The following HOMER2 variants were observed in gnomAD, a reference collection of about 807,000 sequenced individuals.
HOMER2 encodes the protein homer scaffold protein 2.
A neutral mutation model predicts 47.0 loss-of-function variants in HOMER2; 27 were observed. The ratio of observed to expected loss-of-function variants is 0.57; its 90% CI spans 0.42 to 0.79. The LOEUF (loss-of-function observed/expected upper bound fraction) is 0.79. HOMER2 is among the 30% of genes least tolerant of loss of function. The pLI is 0.00. For synonymous variants in HOMER2, 161 were observed against 163.8 expected (o/e 0.98, Z 0.13); for missense variants, 443 against 435.0 (o/e 1.02, Z -0.16).
At chr15:82,847,829 G>A (rs959129047), downstream of HOMER2, among the ~76,000 whole-genome samples, 6 of 152,084 alleles carry the variant, frequency 3.9e-5, no homozygotes, top group Non-Finnish European at 5.9e-5. Flanking sequence ...CCCTTATCCC[G>A]CTGCTGGGCC....
chr15:82,929,530 C>A (rs1412859960), intron 1 of HOMER2, among the ~76,000 whole-genome samples: 1 of 151,530 alleles, frequency 6.6e-6, no homozygotes. Context: ...GTGGTACACA[C>A]CTGTAATCCC....
chr15:82,945,786 A>C (rs377329933), intron 1 of HOMER2, among the ~76,000 whole-genome samples: 233 of 152,152 alleles, frequency 1.5e-3, no homozygotes, highest in African/African-American at 4.7e-3. Flanking sequence ...CTGGCTAACA[A>C]GGTGAAATCC....
intron 1 of HOMER2, among the ~76,000 whole-genome samples, chr15:82,905,291 A>AAAC (rs397820399): frequency 1.3e-5 from 2 of 151,416 alleles, no homozygotes; most frequent in Non-Finnish European, 2.9e-5. Flanking sequence ...AAAAAAAAAA[A>AAAC]CCACCAAAAA....
At chr15:82,869,180 T>C (rs1174366074) in intron 3 of HOMER2, among the ~76,000 whole-genome samples, 1 of 152,154 alleles carries the variant, frequency 6.6e-6, no homozygotes, top group Non-Finnish European at 1.5e-5. Context: ...TGTTTTCTTC[T>C]ACCACCAACT....
intron 8 of HOMER2, 43 bp from the exon 9 acceptor site, chr15:82,849,946 G>A (rs144542599): frequency 5.5e-5 from 87 of 1,584,152 alleles, no homozygotes; most frequent in Middle Eastern, 1.7e-4. Context: ...ACTGAGTGAC[G>A]AGAGTCATCC....
At chr15:82,916,834 A>C (rs1194250921) in intron 1 of HOMER2, among the ~76,000 whole-genome samples, 4 of 146,734 alleles carry the variant, frequency 2.7e-5, no homozygotes, top group Non-Finnish European at 4.5e-5. Context: ...ACAGAGTCTC[A>C]CTCTGTTGCC....
At chr15:82,906,373 C>G (rs2053285625) in intron 1 of HOMER2, among the ~76,000 whole-genome samples, 2 of 150,978 alleles carry the variant, frequency 1.3e-5, no homozygotes, top group Admixed American at 1.3e-4. Flanking sequence ...GTTCTAAATA[C>G]ACAAAAGACA....
chr15:82,961,917 C>A (rs957899553), intron 1 of HOMER2, among the ~76,000 whole-genome samples: 1 of 152,074 alleles, frequency 6.6e-6, no homozygotes, highest in African/African-American at 2.4e-5. Context: ...GTGCCTGCCA[C>A]CAAACCTGGC....
intron 8 of HOMER2, among the ~76,000 whole-genome samples, 186 bp downstream of exon 8, chr15:82,850,965 A>G (rs2051371990): frequency 6.6e-6 from 1 of 152,242 alleles, no homozygotes; most frequent in Non-Finnish European, 1.5e-5. Context: ...AACGTTGCTG[A>G]GTCTGCCCCG....
intron 1 of HOMER2, among the ~76,000 whole-genome samples, chr15:82,976,329 G>A (rs924241062): frequency 3.1e-4 from 47 of 151,820 alleles, no homozygotes; most frequent in African/African-American, 9.9e-4. Flanking sequence ...GACGGAGTCC[G>A]CTCTGTCGCC....
intron 1 of HOMER2, among the ~76,000 whole-genome samples, chr15:82,927,266 T>C (rs1298990042): frequency 1.3e-5 from 2 of 152,174 alleles, no homozygotes; most frequent in Non-Finnish European, 2.9e-5. Flanking sequence ...ATTTAATGCA[T>C]GTCTCATTAA....
intron 1 of HOMER2, among the ~76,000 whole-genome samples, chr15:82,894,695 C>T (rs1433031560): frequency 6.6e-6 from 1 of 150,968 alleles, no homozygotes; most frequent in East Asian, 1.9e-4. Flanking sequence ...AAAATAGTCC[C>T]ATTGTTTATA....
chr15:82,877,517 C>G (rs1309786786), intron 2 of HOMER2, among the ~76,000 whole-genome samples: 1 of 152,136 alleles, frequency 6.6e-6, no homozygotes, highest in Admixed American at 6.5e-5. Flanking sequence ...CACATTAAAG[C>G]TGGCCAGTAG....
chr15:82,899,719 T>C (rs1270432446), intron 1 of HOMER2, among the ~76,000 whole-genome samples: 1 of 152,080 alleles, frequency 6.6e-6, no homozygotes, highest in Non-Finnish European at 1.5e-5. Flanking sequence ...AACAACCAGA[T>C]AGAAAATATA....
chr15:82,855,445 T>C (rs1337303424), intron 5 of HOMER2, among the ~76,000 whole-genome samples: 1 of 152,078 alleles, frequency 6.6e-6, no homozygotes, highest in Non-Finnish European at 1.5e-5. Flanking sequence ...GCCGCCCTGC[T>C]TCCTCCTGAA....
At chr15:82,919,557 G>C (rs2053676531) in intron 1 of HOMER2, among the ~76,000 whole-genome samples, 1 of 152,158 alleles carries the variant, frequency 6.6e-6, no homozygotes, top group Non-Finnish European at 1.5e-5. Flanking sequence ...AGATCAAACT[G>C]ACCTCAGGTT....
intron 3 of HOMER2, among the ~76,000 whole-genome samples, chr15:82,871,766 G>C (rs1041409988): frequency 7.9e-5 from 12 of 152,150 alleles, no homozygotes; most frequent in African/African-American, 2.9e-4. Context: ...GCCATCCCTG[G>C]AAGCCAGCAC....
At position 82,855,325 on chromosome 15, in the gene HOMER2, CAAAAAAAAAAAA is replaced by C. The variant is rs1162254209; in HGVS notation, c.495-537_495-526del. 4.8e-3 allele frequency among the ~76,000 whole-genome samples: 296 copies of C among 61,530 alleles called. 1 individual carries two copies. Among genetic ancestry groups the C allele is most frequent in the Non-Finnish European group, 5.2e-3 (194 of 37,464 alleles). The allele number at this position is 61,530 out of a possible 152,430, so 40.4% of individuals were successfully genotyped here. A position where few individuals can be genotyped will look rare whatever the true frequency, so the allele number is the denominator to read the frequency against. ...TGGCGACAGAGCGAGACTCCATCTC[CAAAAAAAAAAAA>C]AAAAAAAAAAAAGAAAACACAATTC... On this transcript the variant is annotated intron_variant, in intron 5 of 8. Transcript: ENST00000450735.
rs1453125865 is a variant in HOMER2 at position 82,952,550 on chromosome 15, C to T, written c.-15G>A. Reference sequence around the variant, plus strand: ...ACTCACCCCATCTCCGGCGCTGCTCCGGCGGCCGCTCCGACGGGGCCTCTC... The same window carrying T: ...ACTCACCCCATCTCCGGCGCTGCTCTGGCGGCCGCTCCGACGGGGCCTCTC... On this transcript the variant is annotated 5_prime_UTR_variant, in exon 1 of 9. Transcript: ENST00000450735. 4.2e-6 allele frequency: 5 copies of T among 1,179,054 alleles called. No homozygotes were observed. The highest frequency in any genetic ancestry group is 5.2e-6 in the Non-Finnish European group (5 of 954,142). 73.0% of individuals were successfully genotyped at this position (1,179,054 alleles called of 1,614,324 possible). A position where few individuals can be genotyped will look rare whatever the true frequency, so the allele number is the denominator to read the frequency against.
Sources: gnomAD v4.1 joint callset for allele counts (sites outside exome capture counted in the v4.1 genomes callset) on GRCh38, gnomAD v4.1.1 for gene constraint, MANE v1.5 for transcripts, NCBI Gene and HGNC (gene_info 2026-07-23, HGNC 2026-07-21) for gene names.